The following CTBP1 variants were observed in gnomAD, a reference collection of about 807,000 sequenced individuals.
CTBP1 encodes the protein C-terminal-binding protein 1.
In CTBP1, 11 loss-of-function variants were observed where a neutral mutation model predicts 42.1. The ratio of observed to expected loss-of-function variants is 0.26; its 90% CI spans 0.16 to 0.43. CTBP1 has a LOEUF of 0.43. CTBP1 is among the 20% of genes least tolerant of loss of function. The pLI is 1.00. For missense variants in CTBP1, 399 were observed against 624.3 expected (o/e 0.64, Z 3.85); for synonymous variants, 324 against 277.1 (o/e 1.17, Z -1.68).
chr4:1,242,640 C>T (rs1219805197), intron 1 of CTBP1: 8 of 985,330 alleles, frequency 8.1e-6, no homozygotes, highest in African/African-American at 1.7e-5. Context: ...CCCAACACCA[C>T]TCCTCATGGC....
intron 9 of CTBP1, chr4:1,212,679 C>T (rs1346746986): frequency 3.1e-5 from 19 of 610,758 alleles, no homozygotes; most frequent in East Asian, 2.5e-4. Context: ...CCACAGGCCC[C>T]GTGCCCATGG....
chr4:1,239,106 C>T (rs1731886697), intron 2 of CTBP1, among the ~76,000 whole-genome samples: 1 of 152,238 alleles, frequency 6.6e-6, no homozygotes, highest in Non-Finnish European at 1.5e-5. Context: ...ACTCTGTGCC[C>T]CTGACCTTCC....
At chr4:1,223,372 A>T (rs1347314097) in intron 5 of CTBP1, 2 of 448,654 alleles carry the variant, frequency 4.5e-6, no homozygotes, top group South Asian at 3.1e-5. Flanking sequence ...GTCCAGGAAG[A>T]GACAGGCACG....
intron 3 of CTBP1, among the ~76,000 whole-genome samples, chr4:1,231,937 G>A (rs946557272): frequency 1.3e-5 from 2 of 152,266 alleles, no homozygotes; most frequent in Admixed American, 6.5e-5. Flanking sequence ...GAGAACCCAG[G>A]AGGCGCACCC....
At chr4:1,216,524 G>A (rs576628925) in intron 5 of CTBP1, 4 of 505,146 alleles carry the variant, frequency 7.9e-6, no homozygotes, top group East Asian at 6.9e-5. Flanking sequence ...AGTGTCAAAC[G>A]GACTGGTCAG....
At chr4:1,228,514 G>A (rs900020) in intron 3 of CTBP1, among the ~76,000 whole-genome samples, 171 bp from the exon 4 acceptor site, 106,496 of 151,954 alleles carry the variant, frequency 0.7, 39,533 homozygotes, top group Non-Finnish European at 0.84. Flanking sequence ...CGCCACGCGC[G>A]GCCCCTCAAC....
At chr4:1,213,881 G>T in intron 7 of CTBP1, 1 of 476,940 alleles carries the variant, frequency 2.1e-6, no homozygotes, top group Admixed American at 3.9e-5. Flanking sequence ...CATGCTGCCT[G>T]GCCCCTTCCA....
At position 1,243,112 on chromosome 4, in the gene CTBP1, C is replaced by T. The variant is rs572653560; in HGVS notation, c.-188-1593G>A. On this transcript the variant is annotated intron_variant, in intron 1 of 9. Coordinates refer to ENST00000382952, the MANE Select transcript of CTBP1 (RefSeq NM_001012614.2). ...AATGCTACCCACGGTGGCCCAGTACCGGCTGCTGCTCGTCAAGACCGGCCA... is the reference window on the plus strand; with the variant it reads ...AATGCTACCCACGGTGGCCCAGTACTGGCTGCTGCTCGTCAAGACCGGCCA... The T allele has an allele frequency of 9.2e-5, 91 of 985,442 alleles. No homozygotes were observed. In the South Asian group the frequency reaches 3.1e-3, roughly 33 times the overall value. The allele number at this position is 985,442 out of a possible 1,614,324, so 61.0% of individuals were successfully genotyped here. A position where few individuals can be genotyped will look rare whatever the true frequency, so the allele number is the denominator to read the frequency against.
At chr4:1,248,677 C>A (rs909819297) in intron 1 of CTBP1, 1 of 983,118 alleles carries the variant, frequency 1.0e-6, no homozygotes, top group Non-Finnish European at 1.2e-6. Flanking sequence ...GGGCCGCGGG[C>A]GGGGAGAGCA....
chr4:1,219,928 CG>C (rs1729550457), intron 5 of CTBP1, among the ~76,000 whole-genome samples: 1 of 152,188 alleles, frequency 6.6e-6, no homozygotes, highest in Non-Finnish European at 1.5e-5. Context: ...ACAATTAGGC[CG>C]GGCACAGTGG....
intron 4 of CTBP1, among the ~76,000 whole-genome samples, chr4:1,226,830 G>A (rs996926938): frequency 6.6e-6 from 1 of 151,518 alleles, no homozygotes; most frequent in African/African-American, 2.4e-5. Flanking sequence ...GGGCGCCGGC[G>A]GAAGCAGCTG....
At chr4:1,246,169 G>C (rs551177689) in intron 1 of CTBP1, among the ~76,000 whole-genome samples, 1 of 152,136 alleles carries the variant, frequency 6.6e-6, no homozygotes, top group African/African-American at 2.4e-5. Flanking sequence ...AGTGGGCTCC[G>C]GCCACTGCAG....
chr4:1,214,272 C>T (rs546106813), intron 7 of CTBP1, 71 bp downstream of exon 7: 12 of 1,456,418 alleles, frequency 8.2e-6, no homozygotes, highest in Middle Eastern at 4.1e-4. Context: ...GCAGAGGCGC[C>T]GTCTGGAGGT....
Position 1,244,440 on chromosome 4 carries a change from C to A in CTBP1, c.-188-2921G>T, listed in dbSNP as rs371544640. 3.0e-6 allele frequency: 3 copies of A among 985,008 alleles called. No individual in the cohort carries two copies. The African/African-American group carries it at 5.2e-5, about 17-fold the overall frequency. 61.0% of individuals were successfully genotyped at this position (985,008 alleles called of 1,614,324 possible). ...ACCCCTGTTCCTTCCCCAGCCTCAGCACCTGGTCCTCATCCCCGCCTGCTC... is the reference window on the plus strand; with the variant it reads ...ACCCCTGTTCCTTCCCCAGCCTCAGAACCTGGTCCTCATCCCCGCCTGCTC... On this transcript the variant is annotated intron_variant, in intron 1 of 9. Coordinates refer to ENST00000382952, the MANE Select transcript of CTBP1 (RefSeq NM_001012614.2).
In CTBP1 at chr4:1,229,038, C is replaced by A. The variant is rs552424339; in HGVS notation, c.163-695G>T. Among the ~76,000 whole-genome samples the A allele has an allele frequency of 3.3e-5, 5 of 152,356 alleles. No individual in the cohort carries two copies. In the East Asian group the frequency reaches 9.6e-4, roughly 29 times the overall value. On this transcript the variant is annotated intron_variant, in intron 3 of 9. Coordinates refer to ENST00000382952, the MANE Select transcript of CTBP1 (RefSeq NM_001012614.2). ...TGACAACTCTTAGACCGGAACAGCT[C>A]CCGCGAACAAAGACCTGGCACACAG...
chr4:1,247,335 T>TA (rs1220216543), intron 1 of CTBP1, among the ~76,000 whole-genome samples: 13 of 151,974 alleles, frequency 8.6e-5, no homozygotes, highest in Non-Finnish European at 4.4e-5. Context: ...AGAGGACGCC[T>TA]GTATGGAAGC....
chr4:1,215,371 G>A (rs898877422), intron 6 of CTBP1, among the ~76,000 whole-genome samples: 6 of 152,306 alleles, frequency 3.9e-5, no homozygotes, highest in Non-Finnish European at 7.3e-5. Flanking sequence ...ATGCACCCAC[G>A]CACACTTGCC....
intron 1 of CTBP1, chr4:1,244,271 G>A: frequency 1.0e-6 from 1 of 985,018 alleles, no homozygotes; most frequent in Non-Finnish European, 1.2e-6. Context: ...TCTGGAGAGG[G>A]ACCGGGTTGC....
rs1183722087 is a variant in CTBP1, at chr4:1,214,483, A to G, written c.730-10T>C. 1.9e-6 allele frequency: 3 copies of G among 1,575,812 alleles called. No homozygotes were observed. Among genetic ancestry groups the G allele is most frequent in the East Asian group, 2.4e-5 (1 of 42,126 alleles). The stretch of plus-strand genomic sequence containing the variant: ...AGGCCCCTTGTCTCATCTAGAAGAC[A>G]TAAGGACAGGCCAGGCCCAGTCAGG... On this transcript the variant is annotated splice_polypyrimidine_tract_variant and intron_variant, in intron 6 of 9. Transcript: ENST00000382952.
Sources: allele counts gnomAD v4.1 joint callset (sites outside exome capture counted in the v4.1 genomes callset), GRCh38; gene constraint gnomAD v4.1.1; transcripts MANE v1.5; gene names NCBI Gene and HGNC (gene_info 2026-07-23, HGNC 2026-07-21).